COL8A1: variants seen among roughly 807,000 people sequenced by gnomAD.
COL8A1 encodes the protein collagen alpha-1(VIII) chain.
A neutral mutation model predicts 42.7 loss-of-function variants in COL8A1; 21 were observed. The observed-to-expected ratio is 0.49, with a 90% CI of 0.35 to 0.71. The LOEUF is 0.71. Ranked by LOEUF, COL8A1 falls within the 30% of genes least tolerant of loss-of-function variation. COL8A1 has a pLI of 0.01. For synonymous variants in COL8A1, 367 were observed against 369.1 expected (o/e 0.99, Z 0.06); for missense variants, 788 against 962.4 (o/e 0.82, Z 2.40).
At chr3:99,776,262 G>A (rs1941690203) in intron 2 of COL8A1, among the ~76,000 whole-genome samples, 1 of 152,068 alleles carries the variant, frequency 6.6e-6, no homozygotes, top group African/African-American at 2.4e-5. Context: ...GGAAACCACA[G>A]GTAAAAGAGA....
chr3:99,680,843 C>T (rs888541742), intron 1 of COL8A1, among the ~76,000 whole-genome samples: 2 of 152,112 alleles, frequency 1.3e-5, no homozygotes, highest in Non-Finnish European at 2.9e-5. Context: ...CACACATCTA[C>T]AACCATCTGA....
At chr3:99,675,540 C>T (rs1490242054) in intron 1 of COL8A1, 6 of 152,492 alleles carry the variant, frequency 3.9e-5, no homozygotes, top group African/African-American at 1.4e-4. Flanking sequence ...GCCAAAGATA[C>T]TCAATTTTGT....
intron 1 of COL8A1, among the ~76,000 whole-genome samples, chr3:99,731,447 G>T (rs1315123818): frequency 6.6e-6 from 1 of 152,110 alleles, no homozygotes; most frequent in Non-Finnish European, 1.5e-5. Context: ...TAAGAAGGGA[G>T]AGGTCAAGGT....
chr3:99,714,867 C>T (rs1939950614), intron 1 of COL8A1, among the ~76,000 whole-genome samples: 1 of 152,094 alleles, frequency 6.6e-6, no homozygotes, highest in South Asian at 2.1e-4. Context: ...AACCACTTTA[C>T]ATAGGGAAAG....
At chr3:99,664,661 G>A (rs2107305424) in intron 1 of COL8A1, among the ~76,000 whole-genome samples, 1 of 152,284 alleles carries the variant, frequency 6.6e-6, no homozygotes, top group East Asian at 1.9e-4. Flanking sequence ...TCCCTGTGTG[G>A]AGACCTAGGT....
intron 1 of COL8A1, among the ~76,000 whole-genome samples, chr3:99,726,844 G>A (rs2107377549): frequency 6.6e-6 from 1 of 152,176 alleles, no homozygotes; most frequent in East Asian, 1.9e-4. Flanking sequence ...GTCAGGTAGT[G>A]TGATGCCTCC....
chr3:99,730,183 C>T (rs1240053987), intron 1 of COL8A1, among the ~76,000 whole-genome samples: 4 of 151,978 alleles, frequency 2.6e-5, no homozygotes, highest in South Asian at 2.1e-4. Flanking sequence ...ACTGCACAGT[C>T]GTAAGGATTA....
chr3:99,658,248 A>G (rs1938091217), intron 1 of COL8A1, among the ~76,000 whole-genome samples: 1 of 151,720 alleles, frequency 6.6e-6, no homozygotes, highest in Non-Finnish European at 1.5e-5. Flanking sequence ...TTGCTATACC[A>G]TCTGCTGTCA....
At position 99,729,469 on chromosome 3, in the gene COL8A1, A is replaced by T. The variant is rs554676082; in HGVS notation, c.-128-15428A>T. On this transcript the variant is annotated intron_variant, in intron 1 of 3. Coordinates refer to ENST00000652472, the MANE Select transcript of COL8A1 (RefSeq NM_020351.4). ...CCATTGCATGGGTTTTATTTTTTTT[A>T]AAAAAAGAAAAGGAAAATTAAGGTC... Among the ~76,000 whole-genome samples the T allele has an allele frequency of 4.4e-4, 67 of 151,978 alleles. 1 individual carries two copies. In the South Asian group the frequency reaches 9.1e-3, roughly 21 times the overall value.
At position 99,681,403 on chromosome 3, in the gene COL8A1, G is replaced by A. The variant is rs183074740; in HGVS notation, c.-129+42739G>A. 1.2e-4 allele frequency among the ~76,000 whole-genome samples: 18 copies of A among 152,270 alleles called. No individual in the cohort carries two copies. In the East Asian group the frequency reaches 3.1e-3, roughly 26 times the overall value. ...GAAAAATCTCTTGTATTTTCCATCCGTAAAATTTTCACACCAGTGGCCTTG... is the reference window on the plus strand; with the variant it reads ...GAAAAATCTCTTGTATTTTCCATCCATAAAATTTTCACACCAGTGGCCTTG... On this transcript the variant is annotated intron_variant, in intron 1 of 3. Transcript: ENST00000652472.
chr3:99,710,104 G>C (rs576700624), intron 1 of COL8A1, among the ~76,000 whole-genome samples: 1 of 152,242 alleles, frequency 6.6e-6, no homozygotes, highest in African/African-American at 2.4e-5. Flanking sequence ...GTGTGCATGT[G>C]CACACACATT....
chr3:99,708,159 T>C (rs1484666673), intron 1 of COL8A1, among the ~76,000 whole-genome samples: 1 of 152,170 alleles, frequency 6.6e-6, no homozygotes, highest in Non-Finnish European at 1.5e-5. Flanking sequence ...TGAAAAAAAT[T>C]AAGGGAAAAT....
At chr3:99,692,913 C>T (rs1174304910) in intron 1 of COL8A1, among the ~76,000 whole-genome samples, 1 of 152,278 alleles carries the variant, frequency 6.6e-6, no homozygotes, top group African/African-American at 2.4e-5. Flanking sequence ...AATCCCAACA[C>T]TTTGGGAGGC....
chr3:99,745,775 T>A (rs1346428542), intron 2 of COL8A1, among the ~76,000 whole-genome samples: 1 of 151,734 alleles, frequency 6.6e-6, no homozygotes, highest in Non-Finnish European at 1.5e-5. Context: ...CCTTAATTGA[T>A]CTCTCAGCAG....
chr3:99,670,996 T>C (rs1437747549), intron 1 of COL8A1, among the ~76,000 whole-genome samples: 1 of 151,742 alleles, frequency 6.6e-6, no homozygotes, highest in Non-Finnish European at 1.5e-5. Context: ...AATGTGTGTG[T>C]GTGTTAGAGA....
chr3:99,690,303 C>G (rs1445046813), intron 1 of COL8A1, among the ~76,000 whole-genome samples: 1 of 152,200 alleles, frequency 6.6e-6, no homozygotes, highest in Non-Finnish European at 1.5e-5. Context: ...ATATATTAAT[C>G]AGTCAGTCCT....
At chr3:99,666,635 G>A (rs1938375649) in intron 1 of COL8A1, among the ~76,000 whole-genome samples, 1 of 152,146 alleles carries the variant, frequency 6.6e-6, no homozygotes, top group Non-Finnish European at 1.5e-5. Flanking sequence ...GGGGAGAGTG[G>A]ATTAATCTAA....
chr3:99,645,571 T>G (rs1937626309), intron 1 of COL8A1, among the ~76,000 whole-genome samples: 1 of 152,090 alleles, frequency 6.6e-6, no homozygotes, highest in South Asian at 2.1e-4. Context: ...CAATAGAAAC[T>G]GATCTGGTCC....
At chr3:99,752,681 G>A (rs940416908) in intron 2 of COL8A1, among the ~76,000 whole-genome samples, 6 of 146,080 alleles carry the variant, frequency 4.1e-5, no homozygotes, top group Admixed American at 6.9e-5. Context: ...TCTCCCTCAC[G>A]CCCCCCACAT....
Sources: gnomAD v4.1 joint callset for allele counts (sites outside exome capture counted in the v4.1 genomes callset) on GRCh38, gnomAD v4.1.1 for gene constraint, MANE v1.5 for transcripts, NCBI Gene and HGNC (gene_info 2026-07-23, HGNC 2026-07-21) for gene names.